Variants in PCBP3 observed in about 807,000 individuals in gnomAD.
The protein encoded by PCBP3 is poly(rC)-binding protein 3.
PCBP3 carries 25 observed loss-of-function variants against 52.7 expected under a neutral mutation model. The ratio of observed to expected loss-of-function variants is 0.47; its 90% CI spans 0.35 to 0.66. PCBP3 has a LOEUF of 0.66. Among genes scored for constraint, PCBP3 ranks in the 30% least tolerant of loss-of-function variants. The pLI, the probability that PCBP3 is intolerant of heterozygous loss-of-function variation, is 0.01. For synonymous variants in PCBP3, 162 were observed against 183.0 expected, an observed-to-expected ratio of 0.89 and a Z score of 0.93; for missense variants, 391 against 490.3, an observed-to-expected ratio of 0.80 and a Z score of 1.91.
At chr21:45,846,800 G>T (rs2093823528) in intron 4 of PCBP3, among the ~76,000 whole-genome samples, 1 of 152,220 alleles carries the variant, frequency 6.6e-6, no homozygotes, top group Non-Finnish European at 1.5e-5. Context: ...GTCCCACAGG[G>T]AGATTGCAAT....
At chr21:45,884,415 A>G (rs1323414319) in intron 5 of PCBP3, among the ~76,000 whole-genome samples, 1 of 152,212 alleles carries the variant, frequency 6.6e-6, no homozygotes, top group African/African-American at 2.4e-5. Flanking sequence ...ATATACACAC[A>G]TACTGAATAC....
At chr21:45,902,973 A>G (rs2096103652) in intron 9 of PCBP3, among the ~76,000 whole-genome samples, 3 of 152,252 alleles carry the variant, frequency 2.0e-5, no homozygotes, top group Admixed American at 2.0e-4. Context: ...TTCCACGAGT[A>G]CACAAATAAT....
intron 5 of PCBP3, among the ~76,000 whole-genome samples, chr21:45,863,431 C>G: frequency 6.6e-6 from 1 of 152,208 alleles, no homozygotes; most frequent in Non-Finnish European, 1.5e-5. Context: ...TTAGCTGCTG[C>G]GGCCGTGTGT....
At chr21:45,796,949 G>C in intron 4 of PCBP3, among the ~76,000 whole-genome samples, 1 of 152,136 alleles carries the variant, frequency 6.6e-6, no homozygotes, top group East Asian at 1.9e-4. Flanking sequence ...GTTTAAATAC[G>C]AGGGCTTAAT....
At chr21:45,809,255 A>AT (rs1339150982) in intron 4 of PCBP3, among the ~76,000 whole-genome samples, 1 of 152,194 alleles carries the variant, frequency 6.6e-6, no homozygotes, top group Non-Finnish European at 1.5e-5. Flanking sequence ...AATTATATAA[A>AT]TATTGGACGA....
intron 16 of PCBP3, among the ~76,000 whole-genome samples, chr21:45,938,032 C>G (rs1337463583): frequency 6.6e-6 from 1 of 152,184 alleles, no homozygotes; most frequent in Non-Finnish European, 1.5e-5. Flanking sequence ...CAGCACATTG[C>G]AGGGAGCAGA....
At chr21:45,675,026 A>G (rs1180166782) in intron 2 of PCBP3, among the ~76,000 whole-genome samples, 1 of 152,172 alleles carries the variant, frequency 6.6e-6, no homozygotes, top group Non-Finnish European at 1.5e-5. Context: ...GCTGATAGGG[A>G]TGCCCTGGAG....
chr21:45,661,767 A>G (rs886632765), intron 1 of PCBP3, among the ~76,000 whole-genome samples: 1 of 152,100 alleles, frequency 6.6e-6, no homozygotes, highest in Non-Finnish European at 1.5e-5. Flanking sequence ...ACTAATTTAC[A>G]TTTGTGTTCC....
intron 5 of PCBP3, among the ~76,000 whole-genome samples, chr21:45,893,448 G>A (rs987170101): frequency 6.6e-5 from 10 of 152,020 alleles, no homozygotes; most frequent in African/African-American, 2.2e-4. Flanking sequence ...TGTCAGATGT[G>A]GGTGTCTGAA....
At position 45,656,566 on chromosome 21, in the gene PCBP3, A is replaced by G. The variant is rs2080032317; in HGVS notation, c.-278-12308A>G. On this transcript the variant is annotated intron_variant, in intron 1 of 17. Transcript: ENST00000681687. This position sits in a 1 kb window ranked among gnomAD's most constrained non-coding sequence, Gnocchi z 4.3. The stretch of plus-strand genomic sequence containing the variant: ...AGATGACGGGTTGATGGGTGCAGCA[A>G]ACCACCGTGGCATGTGTATACCTGT... Among the ~76,000 whole-genome samples, 1 of 152,090 alleles carries G rather than the reference A, an allele frequency of 6.6e-6. No homozygotes were observed. The highest frequency in any genetic ancestry group is 2.1e-4 in the South Asian group (1 of 4,822).
intron 2 of PCBP3, among the ~76,000 whole-genome samples, chr21:45,714,099 G>C (rs1391071077): frequency 6.6e-6 from 1 of 152,194 alleles, no homozygotes; most frequent in African/African-American, 2.4e-5. Context: ...CCTATGCTCT[G>C]TGTTTTCGTT....
chr21:45,668,479 T>C (rs1395933365), intron 1 of PCBP3, among the ~76,000 whole-genome samples: 7 of 152,168 alleles, frequency 4.6e-5, no homozygotes, highest in South Asian at 4.1e-4. Context: ...GCTCTAACTC[T>C]GTTTTGTCCT....
rs1218355941 is a variant in PCBP3, at chr21:45,724,859, G to C, written c.-199-10533G>C. On this transcript the variant is annotated intron_variant, in intron 2 of 17. Coordinates refer to ENST00000681687, the MANE Select transcript of PCBP3 (RefSeq NM_001384156.1). This position sits in a 1 kb window ranked among gnomAD's most constrained non-coding sequence, Gnocchi z 5.3. Reference sequence around the variant, plus strand: ...GAGGACAGGACGGCCTCTCTGTGAGGGAGGCACTGACTCTCAGGAGATGCT... The same window carrying C: ...GAGGACAGGACGGCCTCTCTGTGAGCGAGGCACTGACTCTCAGGAGATGCT... Among the ~76,000 whole-genome samples the C allele has an allele frequency of 6.6e-6, 1 of 152,130 alleles. No individual in the cohort carries two copies. Among genetic ancestry groups the C allele is most frequent in the Non-Finnish European group, 1.5e-5 (1 of 68,030 alleles).
At chr21:45,772,292 A>G (rs984837788) in intron 4 of PCBP3, among the ~76,000 whole-genome samples, 2 of 152,106 alleles carry the variant, frequency 1.3e-5, no homozygotes, top group African/African-American at 4.8e-5. Context: ...TTTAGCTTCT[A>G]CATATAGGTG....
chr21:45,794,811 C>A (rs1249807507), intron 4 of PCBP3, among the ~76,000 whole-genome samples: 1 of 152,066 alleles, frequency 6.6e-6, no homozygotes, highest in Admixed American at 6.5e-5. Context: ...TGCCTGTAGT[C>A]CCAGCTACTT....
At chr21:45,803,861 C>T (rs935089559) in intron 4 of PCBP3, among the ~76,000 whole-genome samples, 3 of 152,180 alleles carry the variant, frequency 2.0e-5, no homozygotes, top group Non-Finnish European at 4.4e-5. Context: ...CACCGGATGG[C>T]CCAGGTCCTG....
intron 4 of PCBP3, among the ~76,000 whole-genome samples, chr21:45,838,783 G>A (rs185201264): frequency 8.2e-4 from 124 of 152,074 alleles, no homozygotes; most frequent in African/African-American, 2.8e-3. Flanking sequence ...TTCCCTTGAG[G>A]ATATGCAGTC....
At chr21:45,885,509 C>T (rs2095497030) in intron 5 of PCBP3, among the ~76,000 whole-genome samples, 1 of 152,136 alleles carries the variant, frequency 6.6e-6, no homozygotes, top group African/African-American at 2.4e-5. Context: ...TTTTCTGGTA[C>T]CCTAAGGACA....
intron 4 of PCBP3, among the ~76,000 whole-genome samples, chr21:45,794,270 G>A (rs1371342510): frequency 6.6e-6 from 1 of 152,198 alleles, no homozygotes. Flanking sequence ...TTACAAATTA[G>A]CTGGATGTAG....
Sources: gnomAD v4.1 joint callset for allele counts (sites outside exome capture counted in the v4.1 genomes callset) on GRCh38, gnomAD v4.1.1 for gene constraint, Gnocchi (gnomAD v3.1) non-coding constraint, MANE v1.5 for transcripts, NCBI Gene and HGNC (gene_info 2026-07-23, HGNC 2026-07-21) for gene names.